The following TAAR5 variants were observed in gnomAD, a reference collection of about 807,000 sequenced individuals.
TAAR5 encodes trace amine associated receptor 5, also known as trace amine-associated receptor 5.
In TAAR5, 27 loss-of-function variants were observed where a neutral mutation model predicts 21.1. The observed-to-expected ratio is 1.28, with a 90% confidence interval of 0.94 to 1.76. The LOEUF (loss-of-function observed/expected upper bound fraction) is 1.76, where lower values mean the gene tolerates loss of function less well. TAAR5 is among the 40% of genes most tolerant of loss of function. The probability of loss-of-function intolerance (pLI) is 0.00; values close to 1 mark genes in which losing one functional copy is unlikely to be tolerated. For synonymous variants in TAAR5, 203 were observed against 167.5 expected (o/e 1.21, Z -1.64); for missense variants, 495 against 405.6 (o/e 1.22, Z -1.89).
chr6:132,591,683 C>T (rs1776909948), upstream of TAAR5, among the ~76,000 whole-genome samples: 1 of 152,030 alleles, frequency 6.6e-6, no homozygotes, highest in African/African-American at 2.4e-5. Context: ...TTAATTTGAC[C>T]AAGAACTTGT....
chr6:132,605,716 C>G, the TAAR5 span, among the ~76,000 whole-genome samples: 1 of 152,172 alleles, frequency 6.6e-6, no homozygotes, highest in Non-Finnish European at 1.5e-5. Context: ...ACCTCAGCAT[C>G]ACACAATATA....
chr6:132,601,875 T>C, the TAAR5 span, among the ~76,000 whole-genome samples: 7 of 152,210 alleles, frequency 4.6e-5, no homozygotes, highest in African/African-American at 1.7e-4. Context: ...CTGTGTTTCT[T>C]ACATATCTTA....
the TAAR5 span, among the ~76,000 whole-genome samples, chr6:132,614,927 G>C: frequency 1.3e-5 from 2 of 152,090 alleles, no homozygotes; most frequent in Non-Finnish European, 2.9e-5. Context: ...ACAGTAGTGC[G>C]ATCTCAGCTC....
At chr6:132,598,571 G>T in the TAAR5 span, among the ~76,000 whole-genome samples, 11 of 152,126 alleles carry the variant, frequency 7.2e-5, no homozygotes, top group Non-Finnish European at 2.9e-5. Flanking sequence ...GGAACTTGGG[G>T]CCACACTATT....
chr6:132,615,974 T>G, the TAAR5 span, among the ~76,000 whole-genome samples: 4 of 152,032 alleles, frequency 2.6e-5, no homozygotes, highest in African/African-American at 9.7e-5. Context: ...AAGTGATATA[T>G]TTTGATACTA....
the TAAR5 span, among the ~76,000 whole-genome samples, chr6:132,615,878 A>T: frequency 4.7e-5 from 1 of 21,314 alleles, no homozygotes; most frequent in Non-Finnish European, 7.0e-5. Context: ...CCATGTATAA[A>T]CACACACACA....
At chr6:132,608,772 A>G in the TAAR5 span, 159,335 of 455,520 alleles carry the variant, frequency 0.35, 30,201 homozygotes, top group African/African-American at 0.59. Flanking sequence ...CATCGGCCTC[A>G]GATAGAACTA....
the TAAR5 span, among the ~76,000 whole-genome samples, chr6:132,604,256 G>C: frequency 2.0e-5 from 3 of 148,498 alleles, no homozygotes; most frequent in African/African-American, 7.5e-5. Flanking sequence ...CAATTCTCCT[G>C]CCTCAGCCTC....
chr6:132,610,192 C>T, the TAAR5 span, among the ~76,000 whole-genome samples: 2 of 152,174 alleles, frequency 1.3e-5, no homozygotes, highest in East Asian at 1.9e-4. Flanking sequence ...TAAATGGTCA[C>T]GCTTGCTTTG....
the TAAR5 span, among the ~76,000 whole-genome samples, chr6:132,610,574 C>T: frequency 1.3e-5 from 2 of 152,120 alleles, no homozygotes; most frequent in Admixed American, 6.6e-5. Flanking sequence ...TTCTTCCTGA[C>T]CGACGGGGAA....
At chr6:132,607,082 C>A in the TAAR5 span, among the ~76,000 whole-genome samples, 1 of 152,108 alleles carries the variant, frequency 6.6e-6, no homozygotes, top group Non-Finnish European at 1.5e-5. Flanking sequence ...GTAATCTCAG[C>A]TACTTGGGAG....
the TAAR5 span, among the ~76,000 whole-genome samples, chr6:132,606,510 T>C: frequency 1.3e-5 from 2 of 152,142 alleles, no homozygotes; most frequent in African/African-American, 2.4e-5. Context: ...CACCTTAATG[T>C]CCCTTCCTAG....
upstream of TAAR5, among the ~76,000 whole-genome samples, chr6:132,591,659 C>A (rs1301482362): frequency 1.3e-5 from 2 of 152,144 alleles, no homozygotes; most frequent in African/African-American, 4.8e-5. Flanking sequence ...CCAAGGAGTC[C>A]TATGGCTTTA....
At chr6:132,599,399 G>A in the TAAR5 span, among the ~76,000 whole-genome samples, 1 of 144,516 alleles carries the variant, frequency 6.9e-6, no homozygotes, top group Non-Finnish European at 1.5e-5. Flanking sequence ...GTGGATCTTG[G>A]CTTGCTGCAA....
the TAAR5 span, among the ~76,000 whole-genome samples, chr6:132,599,323 C>CTTTTT: frequency 2.9e-3 from 286 of 98,428 alleles, no homozygotes; most frequent in Middle Eastern, 6.4e-3. Flanking sequence ...CTTTTCTTTT[C>CTTTTT]TTTTTTTTTT....
At chr6:132,610,169 T>C in the TAAR5 span, among the ~76,000 whole-genome samples, 9,881 of 152,234 alleles carry the variant, frequency 0.065, 539 homozygotes, top group African/African-American at 0.14. Context: ...ATGGCATAAA[T>C]AAAAACTTCC....
Position 132,589,487 on chromosome 6 carries a change from G to C in TAAR5, c.200C>G (p.Thr67Arg). ...GGAGAGCAGCAGGAAGTTGGTGGGC[G>C]TGTGAAGCGCTTTGAAGTAGGACAC... ...FAVSYFKALHTPTNFLLLSLA... is the reference protein window; with the variant it reads ...FAVSYFKALHRPTNFLLLSLA... The change falls in exon 1 of 1, where the codon ACG becomes AGG. Residue 67 changes from threonine to arginine, a missense_variant. Physicochemically the swap from Thr to Arg is moderately conservative, Grantham distance 71. Transcript: ENST00000258034. The C allele has an allele frequency of 6.2e-7, 1 of 1,613,870 alleles. No homozygotes were observed. The highest frequency in any genetic ancestry group is 2.2e-5 in the East Asian group (1 of 44,858).
At chr6:132,606,213 T>C in the TAAR5 span, among the ~76,000 whole-genome samples, 1 of 152,182 alleles carries the variant, frequency 6.6e-6, no homozygotes, top group Non-Finnish European at 1.5e-5. Context: ...TCGTGTGATA[T>C]ACCTAGGTAA....
rs752063558 is a variant in TAAR5 at position 132,589,270 on chromosome 6, G to A, written c.417C>T (p.Pro139=). The change falls in exon 1 of 1, where the codon CCC becomes CCT. Residue 139 remains proline (P), a synonymous_variant. Coordinates refer to ENST00000258034, the MANE Select transcript of TAAR5 (RefSeq NM_003967.3). ...CTGTGAACTTGGAGGGATAGAGCAG[G>A]GGGTCACAGATGGCACAGTGGCGGT... ...SIDRHCAICD[P]LLYPSKFTVR... 14 of 1,610,766 alleles carry A rather than the reference G, an allele frequency of 8.7e-6. No individual in the cohort carries two copies. The highest frequency in any genetic ancestry group is 7.7e-5 in the South Asian group (7 of 90,358).
Sources: allele counts gnomAD v4.1 joint callset (sites outside exome capture counted in the v4.1 genomes callset), GRCh38; gene constraint gnomAD v4.1.1; transcripts MANE v1.5; gene names NCBI Gene and HGNC (gene_info 2026-07-23, HGNC 2026-07-21).